DTNB: variants seen among roughly 807,000 people sequenced by gnomAD.
DTNB encodes the protein DTN-B.
A neutral mutation model predicts 90.7 loss-of-function variants in DTNB; 63 were observed. That is an observed-to-expected ratio of 0.69 (90% CI 0.57 to 0.86). The LOEUF is 0.86. DTNB is among the 40% of genes least tolerant of loss of function. DTNB has a pLI of 0.00. For synonymous variants in DTNB, 277 were observed against 286.7 expected (o/e 0.97, Z 0.34); for missense variants, 744 against 807.1 (o/e 0.92, Z 0.95).
At chr2:25,513,997 TG>T (rs1367666795) in intron 9 of DTNB, among the ~76,000 whole-genome samples, 12 of 126,072 alleles carry the variant, frequency 9.5e-5, no homozygotes, top group African/African-American at 3.0e-4. Flanking sequence ...ATGAGTTTGG[TG>T]GGGAAAAAAA....
intron 16 of DTNB, among the ~76,000 whole-genome samples, chr2:25,402,863 T>C (rs1419552610): frequency 6.6e-6 from 1 of 152,186 alleles, no homozygotes; most frequent in African/African-American, 2.4e-5. Flanking sequence ...CTAAATTATA[T>C]AGAAGACAAA....
chr2:25,386,506 G>A (rs1255114627), intron 18 of DTNB, among the ~76,000 whole-genome samples: 1 of 152,322 alleles, frequency 6.6e-6, no homozygotes, highest in East Asian at 1.9e-4. Context: ...GAAACCATTA[G>A]TTTAACACAA....
intron 8 of DTNB, among the ~76,000 whole-genome samples, chr2:25,572,179 T>C (rs1000052370): frequency 6.6e-6 from 1 of 152,084 alleles, no homozygotes; most frequent in Non-Finnish European, 1.5e-5. Flanking sequence ...GCAAACTATC[T>C]GCACCAGGCC....
At chr2:25,656,063 T>C (rs1010702122) in intron 1 of DTNB, among the ~76,000 whole-genome samples, 5 of 152,190 alleles carry the variant, frequency 3.3e-5, no homozygotes, top group African/African-American at 1.2e-4. Flanking sequence ...TTCCCTCTCC[T>C]ATCTCACTTC....
chr2:25,568,146 GA>G (rs561807759), intron 8 of DTNB, among the ~76,000 whole-genome samples: 121 of 148,150 alleles, frequency 8.2e-4, no homozygotes, highest in Non-Finnish European at 1.0e-3. Flanking sequence ...GACACAGGGA[GA>G]CTCCGTCTCA....
At chr2:25,505,891 T>C (rs545263579) in intron 9 of DTNB, among the ~76,000 whole-genome samples, 12 of 152,352 alleles carry the variant, frequency 7.9e-5, no homozygotes, top group Admixed American at 5.9e-4. Flanking sequence ...TTTACTTCTA[T>C]ATCAATTATT....
At chr2:25,559,747 G>A (rs1341221062) in intron 8 of DTNB, among the ~76,000 whole-genome samples, 1 of 152,170 alleles carries the variant, frequency 6.6e-6, no homozygotes, top group African/African-American at 2.4e-5. Context: ...GGGAGAGGAA[G>A]CATTTACCCT....
rs1235084628 is a variant in DTNB at position 25,451,568 on chromosome 2, C to T, written c.1237G>A (p.Ala413Thr). The T allele has an allele frequency of 6.2e-7, 1 of 1,608,622 alleles. No homozygotes were observed. Among genetic ancestry groups the T allele is most frequent in the East Asian group, 2.2e-5 (1 of 44,830 alleles). Residue 413 changes from alanine (A) to threonine (T), a missense_variant, in exon 12 of 21, where the codon GCT (alanine) becomes ACT (threonine). By Grantham distance (58) the Ala-to-Thr change is moderately conservative. Coordinates refer to ENST00000406818, the MANE Select transcript of DTNB (RefSeq NM_021907.5). Reference sequence around the variant, plus strand: ...CTTACCACGTTTCCTGCTTCTGCAGCCAGCCGGGCAGCATAGCGAGCTATA... The same window carrying T: ...CTTACCACGTTTCCTGCTTCTGCAGTCAGCCGGGCAGCATAGCGAGCTATA... ...RLIARYAARL[A>T]AEAGNVTRPP...
chr2:25,552,015 CTTAA>C (rs1298596622), intron 8 of DTNB, among the ~76,000 whole-genome samples: 1 of 152,206 alleles, frequency 6.6e-6, no homozygotes, highest in Non-Finnish European at 1.5e-5. Context: ...AGGATCACTA[CTTAA>C]TTATTTTTGG....
chr2:25,460,658 A>T (rs2150201855), intron 10 of DTNB, among the ~76,000 whole-genome samples: 1 of 152,276 alleles, frequency 6.6e-6, no homozygotes, highest in East Asian at 1.9e-4. Flanking sequence ...CAGATCAAGT[A>T]AGGTTAACTA....
chr2:25,414,879 G>A (rs1165365383), intron 16 of DTNB, among the ~76,000 whole-genome samples: 2 of 152,046 alleles, frequency 1.3e-5, no homozygotes, highest in Non-Finnish European at 2.9e-5. Flanking sequence ...CAACTGATGC[G>A]ACCTAATTCC....
chr2:25,598,919 C>A (rs986582781), intron 5 of DTNB: 1 of 151,488 alleles, frequency 6.6e-6, no homozygotes, highest in African/African-American at 2.4e-5. Flanking sequence ...TAAAAGAAAA[C>A]GATGAAAGAG....
At chr2:25,563,068 C>G (rs2058498702) in intron 8 of DTNB, among the ~76,000 whole-genome samples, 1 of 152,184 alleles carries the variant, frequency 6.6e-6, no homozygotes, top group African/African-American at 2.4e-5. Flanking sequence ...CCATGCCCAG[C>G]CTAATCTACA....
At chr2:25,474,694 G>A (rs1169101564) in intron 10 of DTNB, among the ~76,000 whole-genome samples, 2 of 152,198 alleles carry the variant, frequency 1.3e-5, no homozygotes, top group African/African-American at 2.4e-5. Context: ...ATGCTTCACA[G>A]ATACTGTGCT....
chr2:25,595,053 T>C (rs1480759017), intron 6 of DTNB: 1 of 152,250 alleles, frequency 6.6e-6, no homozygotes, highest in African/African-American at 2.4e-5. Context: ...TTGACACTTT[T>C]GAAGTGTAAA....
chr2:25,471,928 A>G (rs1357939710), intron 10 of DTNB, among the ~76,000 whole-genome samples: 2 of 152,202 alleles, frequency 1.3e-5, no homozygotes, highest in Non-Finnish European at 2.9e-5. Context: ...ATGTAATATT[A>G]TATTTACACA....
intron 12 of DTNB, among the ~76,000 whole-genome samples, chr2:25,440,163 T>C (rs971245033): frequency 6.6e-6 from 1 of 152,336 alleles, no homozygotes; most frequent in East Asian, 1.9e-4. Flanking sequence ...GCAGGTATAC[T>C]GGAAGGGTCT....
intron 4 of DTNB, among the ~76,000 whole-genome samples, chr2:25,624,242 T>C (rs2073570689): frequency 6.6e-6 from 1 of 152,196 alleles, no homozygotes; most frequent in Admixed American, 6.5e-5. Context: ...CTTAAGCGTA[T>C]CTGATTGATG....
intron 8 of DTNB, among the ~76,000 whole-genome samples, chr2:25,547,442 G>A (rs928643427): frequency 1.3e-5 from 2 of 151,110 alleles, no homozygotes; most frequent in Non-Finnish European, 2.9e-5. Context: ...TCCTGCCTCA[G>A]CCTCCGGAGT....
Sources: allele counts gnomAD v4.1 joint callset (sites outside exome capture counted in the v4.1 genomes callset), GRCh38; gene constraint gnomAD v4.1.1; transcripts MANE v1.5; gene names NCBI Gene and HGNC (gene_info 2026-07-23, HGNC 2026-07-21).